Variants in GSE1 observed in about 807,000 individuals in gnomAD.
The protein encoded by GSE1 is Gse1 coiled-coil protein.
In GSE1, 32 loss-of-function variants were observed where a neutral mutation model predicts 112.6. The observed-to-expected ratio is 0.28, with a 90% CI of 0.21 to 0.38. GSE1 has a LOEUF of 0.38. Ranked by LOEUF, GSE1 falls within the 10% of genes least tolerant of loss-of-function variation. GSE1 has a pLI of 1.00. For missense variants in GSE1, 2,348 were observed against 1,699.2 expected (o/e 1.38, Z -6.71); for synonymous variants, 1,115 against 735.6 (o/e 1.52, Z -8.35).
intron 1 of GSE1, among the ~76,000 whole-genome samples, chr16:85,246,391 C>CACACA (rs1235787397): frequency 1.1e-5 from 1 of 88,682 alleles, no homozygotes; most frequent in Non-Finnish European, 2.2e-5. Flanking sequence ...ACACACACAC[C>CACACA]CCACACGCTG....
Position 85,388,292 on chromosome 16 carries a change from GTGGA to G in GSE1, c.2464+30684_2464+30687del, listed in dbSNP as rs760888229. Among the ~76,000 whole-genome samples, 19 of 47,660 alleles carry G rather than the reference GTGGA, an allele frequency of 4.0e-4. 5 individuals carry two copies. The East Asian group carries it at 7.1e-3, about 18-fold the overall frequency. The allele number at this position is 47,660 out of a possible 152,430, so 31.3% of individuals were successfully genotyped here. On this transcript the variant is annotated intron_variant, in intron 2 of 2. Transcript: ENST00000637419. Reference sequence around the variant, plus strand: ...GATGGATGGGTGAGTGGATGGGTGGGTGGATGGATGGATGGATGGATGGATGGAT... The same window carrying G: ...GATGGATGGGTGAGTGGATGGGTGGGTGGATGGATGGATGGATGGATGGAT...
In GSE1 at chr16:85,420,536, T is replaced by C. The variant is rs117904417; in HGVS notation, c.2464+62893T>C. Among the ~76,000 whole-genome samples, 1,227 of 152,152 alleles carry C rather than the reference T, an allele frequency of 8.1e-3. 13 individuals carry two copies. Among genetic ancestry groups the C allele is most frequent in the Non-Finnish European group, 0.012 (847 of 67,980 alleles). ...GGGCCAAGGGGGGTGGCACCATTGC[T>C]CTCTGGTCACTCAGGGCCCATGTGC... On this transcript the variant is annotated intron_variant, in intron 2 of 2. Coordinates refer to the GSE1 transcript ENST00000637419.
At chr16:85,656,787 A>C in intron 7 of GSE1, 122 bp downstream of exon 7, 1 of 1,346,986 alleles carries the variant, frequency 7.4e-7, no homozygotes, top group Non-Finnish European at 9.8e-7. Flanking sequence ...TCGCCCTAAA[A>C]GCGTGGTGTG....
At chr16:85,446,421 C>G (rs146618138) in intron 2 of GSE1, among the ~76,000 whole-genome samples, 8 of 152,304 alleles carry the variant, frequency 5.3e-5, no homozygotes, top group African/African-American at 1.4e-4. Context: ...GCTGTAAGCT[C>G]TTGGACCAAC....
At chr16:85,280,345 C>T (rs1364896131) in intron 1 of GSE1, among the ~76,000 whole-genome samples, 2 of 152,194 alleles carry the variant, frequency 1.3e-5, no homozygotes, top group East Asian at 1.9e-4. Context: ...AGATTCCACC[C>T]GTGGAATGCA....
intron 1 of GSE1, among the ~76,000 whole-genome samples, chr16:85,264,075 G>A (rs568139231): frequency 2.0e-5 from 3 of 152,212 alleles, no homozygotes; most frequent in East Asian, 1.9e-4. Context: ...TACAGAAGGC[G>A]GGGAATGGTA....
chr16:85,615,008 C>G (rs571344045), intron 1 of GSE1, among the ~76,000 whole-genome samples: 2 of 152,334 alleles, frequency 1.3e-5, no homozygotes, highest in South Asian at 4.1e-4. Flanking sequence ...TCGGCCGTCT[C>G]GTCCTCTCCT....
At chr16:85,456,579 C>CGTGTGTGTGTGT (rs35279881) in intron 2 of GSE1, among the ~76,000 whole-genome samples, 1,507 of 91,496 alleles carry the variant, frequency 0.016, 62 homozygotes, top group African/African-American at 0.021. Flanking sequence ...ATTTTCCTGC[C>CGTGTGTGTGTGT]GTGTGTGTGT....
chr16:85,597,398 A>AG (rs1491401842), intron 1 of GSE1, among the ~76,000 whole-genome samples: 39 of 147,336 alleles, frequency 2.6e-4, no homozygotes, highest in South Asian at 8.4e-4. Flanking sequence ...AAAAAAAAAA[A>AG]GAAGAAGAAA....
At chr16:85,503,979 AGGTGTG>A (rs2151917858) in intron 2 of GSE1, among the ~76,000 whole-genome samples, 1 of 152,326 alleles carries the variant, frequency 6.6e-6, no homozygotes, top group East Asian at 1.9e-4. Flanking sequence ...AGGGAGGGTC[AGGTGTG>A]GCGGTGGTCA....
At chr16:85,388,338 G>A (rs2047747179) in intron 2 of GSE1, among the ~76,000 whole-genome samples, 1 of 65,670 alleles carries the variant, frequency 1.5e-5, no homozygotes, top group Non-Finnish European at 3.4e-5. Flanking sequence ...ATGAATGGAT[G>A]TATGGCTGGA....
At chr16:85,568,778 A>C (rs1216824649) in intron 1 of GSE1, among the ~76,000 whole-genome samples, 1 of 152,202 alleles carries the variant, frequency 6.6e-6, no homozygotes, top group Non-Finnish European at 1.5e-5. Context: ...GGCTGGGGCC[A>C]GCTCAAGATG....
At chr16:85,666,875 G>A (rs12149210) in intron 13 of GSE1, among the ~76,000 whole-genome samples, 32,820 of 152,200 alleles carry the variant, frequency 0.22, 3,867 homozygotes, top group Middle Eastern at 0.32. Flanking sequence ...AGAAATATTT[G>A]TGGGTGGGGT....
chr16:85,392,383 C>T (rs1234869000), intron 2 of GSE1, among the ~76,000 whole-genome samples: 2 of 152,176 alleles, frequency 1.3e-5, no homozygotes, highest in African/African-American at 4.8e-5. Flanking sequence ...TTGGGCTATA[C>T]TTATGCTCTT....
intron 2 of GSE1, among the ~76,000 whole-genome samples, chr16:85,416,290 G>A (rs2048700570): frequency 6.6e-6 from 1 of 152,236 alleles, no homozygotes; most frequent in Non-Finnish European, 1.5e-5. Context: ...GCCTGCTGGA[G>A]GAGGGAGGGG....
At chr16:85,290,597 G>T (rs2045180394) in intron 1 of GSE1, among the ~76,000 whole-genome samples, 2 of 152,146 alleles carry the variant, frequency 1.3e-5, no homozygotes, top group African/African-American at 4.8e-5. Flanking sequence ...AGGCCACACA[G>T]CACACACCAT....
upstream of GSE1, among the ~76,000 whole-genome samples, chr16:85,611,052 G>C (rs117774844): frequency 6.3e-3 from 955 of 152,380 alleles, 24 homozygotes; most frequent in East Asian, 0.079. Flanking sequence ...AGGAAGAAGG[G>C]AGTAGGTGGT....
chr16:85,641,994 G>C (rs2050486606), intron 2 of GSE1, among the ~76,000 whole-genome samples: 1 of 152,264 alleles, frequency 6.6e-6, no homozygotes, highest in Non-Finnish European at 1.5e-5. Context: ...AGCCCTGGCA[G>C]ACACAGGCTC....
chr16:85,408,748 C>G (rs1227604699), intron 2 of GSE1, among the ~76,000 whole-genome samples: 24 of 57,676 alleles, frequency 4.2e-4, no homozygotes, highest in Admixed American at 3.1e-3. Context: ...CACTCTCAGG[C>G]CCCCCTGGAT....
Sources: allele counts gnomAD v4.1 joint callset (sites outside exome capture counted in the v4.1 genomes callset), GRCh38; gene constraint gnomAD v4.1.1; transcripts MANE v1.5; gene names NCBI Gene and HGNC (gene_info 2026-07-23, HGNC 2026-07-21).